PCDH11X: variants seen among roughly 807,000 people sequenced by gnomAD.
The protein encoded by PCDH11X is protocadherin 11 X-linked.
Under a neutral mutation model 53.3 loss-of-function variants are expected in PCDH11X, and 18 were observed. The ratio of observed to expected loss-of-function variants is 0.34; its 90% CI spans 0.23 to 0.50. The LOEUF is 0.50. Among genes scored for constraint, PCDH11X ranks in the 20% least tolerant of loss-of-function variants. PCDH11X has a pLI of 0.98. For synonymous variants in PCDH11X, 279 were observed against 393.3 expected (o/e 0.71, Z 3.44); for missense variants, 570 against 1,032.4 (o/e 0.55, Z 6.14).
intron 9 of PCDH11X, among the ~76,000 whole-genome samples, chrX:92,426,116 CAT>C (rs1345245364): frequency 2.0e-5 from 2 of 100,931 alleles, no homozygotes; most frequent in Non-Finnish European, 4.0e-5. Context: ...GGCGAACAAA[CAT>C]AGATTGCATT....
At chrX:92,133,309 T>C (rs1216180302) in intron 6 of PCDH11X, among the ~76,000 whole-genome samples, 1 of 112,003 alleles carries the variant, frequency 8.9e-6, no homozygotes, top group Non-Finnish European at 1.9e-5. Flanking sequence ...GGAAATTATT[T>C]TGAAACTTTT....
intron 8 of PCDH11X, among the ~76,000 whole-genome samples, chrX:92,312,025 A>G (rs1315094981): frequency 9.0e-6 from 1 of 111,294 alleles, no homozygotes; most frequent in Non-Finnish European, 1.9e-5. Context: ...AATTAAGTAT[A>G]TGTATTCTGT....
At chrX:92,214,594 C>T (rs4893308) in intron 7 of PCDH11X, among the ~76,000 whole-genome samples, 1 of 111,559 alleles carries the variant, frequency 9.0e-6, no homozygotes, top group Non-Finnish European at 1.9e-5. Flanking sequence ...TAATCAATTC[C>T]GTTTTTTCCC....
chrX:91,801,094 T>G (rs1234139392), intron 1 of PCDH11X, among the ~76,000 whole-genome samples: 2 of 100,356 alleles, frequency 2.0e-5, no homozygotes, highest in Admixed American at 1.1e-4. Flanking sequence ...GTGGGAGGAT[T>G]ACTTGAGCCT....
At chrX:92,406,253 G>A (rs968000608) in intron 9 of PCDH11X, among the ~76,000 whole-genome samples, 2 of 109,860 alleles carry the variant, frequency 1.8e-5, no homozygotes. Flanking sequence ...TTCACTTAAA[G>A]TATGTCTTGC....
intron 9 of PCDH11X, among the ~76,000 whole-genome samples, chrX:92,441,591 G>T (rs1376367469): frequency 8.9e-6 from 1 of 112,276 alleles, no homozygotes; most frequent in Non-Finnish European, 1.9e-5. Flanking sequence ...GAGTCTGTGG[G>T]TGCACAGAAG....
At chrX:92,262,417 T>A (rs139274054) in intron 7 of PCDH11X, among the ~76,000 whole-genome samples, 5,725 of 111,221 alleles carry the variant, frequency 0.051, 258 homozygotes, top group East Asian at 0.22. Context: ...GGAGAATGAA[T>A]CCAAAAGGAC....
intron 6 of PCDH11X, among the ~76,000 whole-genome samples, chrX:92,068,527 G>A (rs1478220291): frequency 9.1e-6 from 1 of 109,555 alleles, no homozygotes; most frequent in East Asian, 2.9e-4. Context: ...TATGGTCAGA[G>A]AAGATTCTTG....
chrX:92,211,691 AT>A (rs2066588982), intron 7 of PCDH11X, among the ~76,000 whole-genome samples: 1 of 112,013 alleles, frequency 8.9e-6, no homozygotes, highest in Admixed American at 9.5e-5. Flanking sequence ...ATCCACAGGA[AT>A]TTGGCTAATC....
intron 6 of PCDH11X, among the ~76,000 whole-genome samples, chrX:91,985,730 C>T (rs1311028917): frequency 9.0e-6 from 1 of 111,341 alleles, no homozygotes; most frequent in East Asian, 2.8e-4. Context: ...TCCTGTCTTC[C>T]AAACTCATGG....
intron 10 of PCDH11X, among the ~76,000 whole-genome samples, chrX:92,574,630 A>G (rs943787668): frequency 1.8e-5 from 2 of 111,572 alleles, no homozygotes; most frequent in Non-Finnish European, 3.8e-5. Flanking sequence ...ATGCCCTTCA[A>G]GTATTTTTAA....
rs952958503 is a variant in PCDH11X at position 92,619,621 on chromosome X, A to G, written c.*681A>G. 1 of 108,836 alleles carries G rather than the reference A, an allele frequency of 9.2e-6. No individual in the cohort carries two copies. Among genetic ancestry groups the G allele is most frequent in the Non-Finnish European group, 1.9e-5 (1 of 52,640 alleles). The allele number at this position is 108,836 out of a possible 1,213,427, so 9.0% of individuals were successfully genotyped here. On this transcript the variant is annotated 3_prime_UTR_variant, in exon 11 of 11. Transcript: ENST00000682573. ...CTGTACAGATCTAGATCTACAACCT[A>G]TTTCTCTACTCTTTAGTAGAGTTCG...
chrX:91,927,230 T>C (rs998539897), intron 6 of PCDH11X, among the ~76,000 whole-genome samples: 1 of 108,865 alleles, frequency 9.2e-6, no homozygotes, highest in Non-Finnish European at 1.9e-5. Context: ...CTCAGTAAAA[T>C]AGTGAAAATG....
chrX:92,617,774 A>T (rs1156882865), intron 10 of PCDH11X, among the ~76,000 whole-genome samples: 2 of 111,168 alleles, frequency 1.8e-5, no homozygotes, highest in African/African-American at 6.5e-5. Flanking sequence ...ACTATATTTT[A>T]TTCTTGAAAC....
rs746266492 is a variant in PCDH11X at position 92,436,317 on chromosome X, A to G, written c.3344-31982A>G. ...CAAAATGGCTTTTATTAAAAAGTCA[A>G]AAAATAACAGATGCTGGTGAGGTTA... On this transcript the variant is annotated intron_variant, in intron 9 of 10. Coordinates refer to ENST00000682573, the MANE Select transcript of PCDH11X (RefSeq NM_032968.5). Among the ~76,000 whole-genome samples, 354 of 111,072 alleles carry G rather than the reference A, an allele frequency of 3.2e-3. 1 individual carries two copies. Among genetic ancestry groups the G allele is most frequent in the Non-Finnish European group, 4.6e-3 (244 of 52,830 alleles).
intron 6 of PCDH11X, among the ~76,000 whole-genome samples, chrX:92,170,429 A>C (rs1356433959): frequency 9.0e-6 from 1 of 110,772 alleles, no homozygotes; most frequent in South Asian, 3.8e-4. Flanking sequence ...TCAAAAAAAA[A>C]TTGGAAAAGA....
At chrX:92,523,550 T>A (rs1004407459) in intron 10 of PCDH11X, among the ~76,000 whole-genome samples, 1 of 111,752 alleles carries the variant, frequency 8.9e-6, no homozygotes, top group African/African-American at 3.3e-5. Flanking sequence ...GGTCACAGGA[T>A]ATGTGACCAC....
intron 1 of PCDH11X, among the ~76,000 whole-genome samples, chrX:91,787,036 T>A (rs1306426711): frequency 9.2e-6 from 1 of 108,475 alleles, no homozygotes; most frequent in Non-Finnish European, 1.9e-5. Flanking sequence ...AAACATTATA[T>A]GATATTAAAT....
intron 8 of PCDH11X, among the ~76,000 whole-genome samples, chrX:92,342,629 C>T (rs1393079014): frequency 9.0e-6 from 1 of 111,414 alleles, no homozygotes; most frequent in East Asian, 2.8e-4. Flanking sequence ...CATGTTCTCA[C>T]TTATAAGTGG....
Sources: allele counts gnomAD v4.1 joint callset (sites outside exome capture counted in the v4.1 genomes callset), GRCh38; gene constraint gnomAD v4.1.1; transcripts MANE v1.5; gene names NCBI Gene and HGNC (gene_info 2026-07-23, HGNC 2026-07-21).